SLC71A2: variants seen among roughly 807,000 people sequenced by gnomAD.
The protein encoded by SLC71A2 is hippocampus abundant transcript-like 1.
At chr9:94,375,029 C>T in the SLC71A2 span, 46 of 723,196 alleles carry the variant, frequency 6.4e-5, no homozygotes, top group African/African-American at 7.5e-4. Flanking sequence ...GGCTTCGGCT[C>T]TTGGAAAGTC....
the SLC71A2 span, chr9:94,451,629 G>GC: frequency 1.7e-6 from 1 of 574,870 alleles, no homozygotes; most frequent in Non-Finnish European, 3.0e-6. Flanking sequence ...TATTCCCTGA[G>GC]CTGCTACCTC....
the SLC71A2 span, among the ~76,000 whole-genome samples, chr9:94,430,566 G>GT: frequency 6.6e-6 from 1 of 152,206 alleles, no homozygotes; most frequent in African/African-American, 2.4e-5. Context: ...ACAAACTACA[G>GT]TAACACTCTA....
At chr9:94,454,083 C>CT in the SLC71A2 span, 1 of 1,580,006 alleles carries the variant, frequency 6.3e-7, no homozygotes, top group Non-Finnish European at 8.7e-7. Flanking sequence ...AAGCCTCACT[C>CT]TTAGATTCTC....
At chr9:94,445,660 TCCTTTTCCACC>T in the SLC71A2 span, among the ~76,000 whole-genome samples, 16 of 152,112 alleles carry the variant, frequency 1.1e-4, no homozygotes, top group Non-Finnish European at 1.8e-4. Flanking sequence ...CCCTTTCCTC[TCCTTTTCCACC>T]CCCTTCTTTT....
the SLC71A2 span, among the ~76,000 whole-genome samples, chr9:94,415,425 CA>C: frequency 6.6e-6 from 1 of 150,874 alleles, no homozygotes; most frequent in East Asian, 1.9e-4. Flanking sequence ...CCACATGTAA[CA>C]CAAAACACCT....
chr9:94,378,311 A>G, the SLC71A2 span, among the ~76,000 whole-genome samples: 1 of 151,808 alleles, frequency 6.6e-6, no homozygotes, highest in Admixed American at 6.6e-5. Flanking sequence ...GGCGAAGGGG[A>G]AGCAGCTTAT....
At chr9:94,396,352 C>T in the SLC71A2 span, among the ~76,000 whole-genome samples, 1 of 152,070 alleles carries the variant, frequency 6.6e-6, no homozygotes, top group African/African-American at 2.4e-5. Flanking sequence ...CCCATCTCTA[C>T]TAAAATACAA....
At chr9:94,445,018 C>T in the SLC71A2 span, 15 of 1,614,184 alleles carry the variant, frequency 9.3e-6, no homozygotes, top group Non-Finnish European at 1.3e-5. Context: ...TGGAGCATAT[C>T]TTTCTGCCAG....
chr9:94,450,943 G>A, the SLC71A2 span, among the ~76,000 whole-genome samples: 14 of 152,116 alleles, frequency 9.2e-5, no homozygotes, highest in African/African-American at 3.1e-4. Flanking sequence ...ACATACCTGT[G>A]CCCGGGTCAT....
the SLC71A2 span, among the ~76,000 whole-genome samples, chr9:94,389,951 ACGCCTGTAATCCCAACACTTTGGGAGGC>A: frequency 2.0e-5 from 3 of 150,916 alleles, no homozygotes. Flanking sequence ...GCAGGGGCTC[ACGCCTGTAATCCCAACACTTTGGGAGGC>A]CGAGGTGGGT....
chr9:94,420,418 C>T, the SLC71A2 span, among the ~76,000 whole-genome samples: 4 of 152,082 alleles, frequency 2.6e-5, no homozygotes, highest in African/African-American at 9.7e-5. Context: ...GCCTGAAGTT[C>T]AGTAACTTAA....
the SLC71A2 span, chr9:94,453,891 CA>C: frequency 9.1e-7 from 1 of 1,102,554 alleles, no homozygotes; most frequent in East Asian, 2.4e-5. Context: ...GGTCTTCACA[CA>C]CAGAGCTTGT....
At chr9:94,447,087 CA>C in the SLC71A2 span, 1 of 532,758 alleles carries the variant, frequency 1.9e-6, no homozygotes, top group Non-Finnish European at 3.3e-6. Flanking sequence ...AATTAGTAAA[CA>C]GGGCACCTTT....
the SLC71A2 span, among the ~76,000 whole-genome samples, chr9:94,455,663 A>G: frequency 6.6e-6 from 1 of 152,074 alleles, no homozygotes; most frequent in Non-Finnish European, 1.5e-5. Flanking sequence ...CTTTTTCAGT[A>G]ATGACCATCC....
At chr9:94,375,305 G>A in the SLC71A2 span, among the ~76,000 whole-genome samples, 1 of 151,960 alleles carries the variant, frequency 6.6e-6, no homozygotes, top group South Asian at 2.1e-4. Context: ...GGGGAAGTTG[G>A]CGGCAGATGC....
At chr9:94,434,378 C>T in the SLC71A2 span, among the ~76,000 whole-genome samples, 5 of 152,108 alleles carry the variant, frequency 3.3e-5, no homozygotes, top group Admixed American at 2.6e-4. Flanking sequence ...TGCAGTGGTG[C>T]GATCTCAGCT....
chr9:94,395,554 C>G, the SLC71A2 span, among the ~76,000 whole-genome samples: 118 of 152,242 alleles, frequency 7.8e-4, no homozygotes, highest in African/African-American at 2.6e-3. Flanking sequence ...GGCTTTGGAT[C>G]TTCAGGATTG....
the SLC71A2 span, among the ~76,000 whole-genome samples, chr9:94,453,180 C>T: frequency 6.2e-5 from 9 of 144,192 alleles, no homozygotes; most frequent in East Asian, 2.1e-4. Flanking sequence ...CACGGAGTCT[C>T]GCTCTGTCAC....
At chr9:94,432,632 C>T in the SLC71A2 span, 1 of 176,902 alleles carries the variant, frequency 5.7e-6, no homozygotes, top group Non-Finnish European at 1.2e-5. Flanking sequence ...TCCTGAGTTT[C>T]ACAAGTAGGA....
Sources: gnomAD v4.1 joint callset for allele counts (sites outside exome capture counted in the v4.1 genomes callset) on GRCh38, gnomAD v4.1.1 for gene constraint, MANE v1.5 for transcripts, NCBI Gene and HGNC (gene_info 2026-07-23, HGNC 2026-07-21) for gene names.